The following HDAC4 variants were observed in gnomAD, a reference collection of about 807,000 sequenced individuals.
HDAC4 encodes histone deacetylase A.
In HDAC4, 16 loss-of-function variants were observed where a neutral mutation model predicts 135.1. The observed-to-expected ratio is 0.12, with a 90% CI of 0.08 to 0.18. The LOEUF (loss-of-function observed/expected upper bound fraction) is 0.18, where lower values mean the gene tolerates loss of function less well. HDAC4 is among the 10% of genes least tolerant of loss of function. HDAC4 has a pLI of 1.00. For synonymous variants in HDAC4, 685 were observed against 653.4 expected (o/e 1.05, Z -0.74); for missense variants, 1,143 against 1,511.8 (o/e 0.76, Z 4.05).
Position 239,349,049 on chromosome 2 carries a change from C to T in HDAC4, c.22+3629G>A. Among the ~76,000 whole-genome samples, 1 of 152,202 alleles carries T rather than the reference C, an allele frequency of 6.6e-6. No individual in the cohort carries two copies. The highest frequency in any genetic ancestry group is 1.5e-5 in the Non-Finnish European group (1 of 68,036). On this transcript the variant is annotated intron_variant, in intron 2 of 26. Transcript: ENST00000543185. This position sits in a 1 kb window ranked among gnomAD's most constrained non-coding sequence, Gnocchi z 5.7. Reference sequence around the variant, plus strand: ...GTCACATGACAAATGTGAGAGGGGGCCCATGGGCGGCTGGACTCCCCCAGC... The same window carrying T: ...GTCACATGACAAATGTGAGAGGGGGTCCATGGGCGGCTGGACTCCCCCAGC...
intron 2 of HDAC4, among the ~76,000 whole-genome samples, chr2:239,350,579 C>T (rs143947815): frequency 0.018 from 2,764 of 152,208 alleles, 47 homozygotes; most frequent in East Asian, 0.094. Context: ...TCTCAGCTCA[C>T]TGCAACCTCT....
chr2:239,148,165 G>A (rs1276284911), intron 7 of HDAC4, among the ~76,000 whole-genome samples: 1 of 152,226 alleles, frequency 6.6e-6, no homozygotes, highest in Non-Finnish European at 1.5e-5. Flanking sequence ...CAGAGAGAAG[G>A]AGGCACCTGC....
chr2:239,396,455 A>G (rs1696569176), intron 1 of HDAC4, among the ~76,000 whole-genome samples: 1 of 152,200 alleles, frequency 6.6e-6, no homozygotes, highest in African/African-American at 2.4e-5. Flanking sequence ...GACCAGCAAC[A>G]GGTATCATCA....
Position 239,054,845 on chromosome 2 carries a change from T to C in HDAC4, c.3004-12A>G. On this transcript the variant is annotated splice_polypyrimidine_tract_variant and intron_variant, in intron 24 of 26. Transcript: ENST00000543185. ...GGGAGAGGATCAAGCTGGAAGAAAA[T>C]GCATAAGAATATAAAGACTGCCAAT... 1 of 1,577,034 alleles carries C rather than the reference T, an allele frequency of 6.3e-7. No homozygotes were observed. The highest frequency in any genetic ancestry group is 8.7e-7 in the Non-Finnish European group (1 of 1,146,262).
intron 4 of HDAC4, among the ~76,000 whole-genome samples, chr2:239,181,126 C>A (rs908977199): frequency 7.2e-5 from 11 of 152,346 alleles, no homozygotes; most frequent in Non-Finnish European, 1.0e-4. Context: ...GGGGACAGGA[C>A]CTGCCGGCTC....
In HDAC4 at chr2:239,269,207, CCA is replaced by C. The variant is rs553867620; in HGVS notation, c.23-32545_23-32544del. Reference sequence around the variant, plus strand: ...CACACACCCACACACATTCACACACCCACACACATTCACACACCCACATACAT... The same window carrying C: ...CACACACCCACACACATTCACACACCCACACATTCACACACCCACATACAT... On this transcript the variant is annotated intron_variant, in intron 2 of 26. Transcript: ENST00000543185. Among the ~76,000 whole-genome samples the C allele has an allele frequency of 2.1e-4, 32 of 151,320 alleles. No individual in the cohort carries two copies. The East Asian group carries it at 3.7e-3, about 18-fold the overall frequency.
chr2:239,196,349 A>T (rs912444436), intron 3 of HDAC4, among the ~76,000 whole-genome samples: 5 of 152,166 alleles, frequency 3.3e-5, no homozygotes, highest in African/African-American at 1.2e-4. Flanking sequence ...CCCAAACGTC[A>T]CCCTCTGCGT....
intron 24 of HDAC4, among the ~76,000 whole-genome samples, chr2:239,062,245 G>A (rs1053063518): frequency 6.6e-6 from 1 of 152,270 alleles, no homozygotes; most frequent in Non-Finnish European, 1.5e-5. Context: ...CTCTGATAGC[G>A]GGGACGCCAA....
intron 4 of HDAC4, among the ~76,000 whole-genome samples, chr2:239,183,577 A>G (rs570373025): frequency 3.0e-4 from 45 of 152,324 alleles, no homozygotes; most frequent in African/African-American, 1.1e-3. Context: ...TGCCACGTGC[A>G]TGTGCCTCTG....
chr2:239,152,499 G>A (rs2042177302), intron 7 of HDAC4, among the ~76,000 whole-genome samples: 1 of 152,252 alleles, frequency 6.6e-6, no homozygotes, highest in Middle Eastern at 3.2e-3. Context: ...TCCCAGGAAA[G>A]GGGCGGGGCC....
chr2:239,131,456 C>A (rs149948313), intron 11 of HDAC4, among the ~76,000 whole-genome samples: 1 of 152,312 alleles, frequency 6.6e-6, no homozygotes, highest in Non-Finnish European at 1.5e-5. Context: ...AAGGGCAGAA[C>A]ATGGAAACGA....
intron 3 of HDAC4, among the ~76,000 whole-genome samples, chr2:239,218,076 A>T (rs2046743093): frequency 6.6e-6 from 1 of 152,224 alleles, no homozygotes; most frequent in South Asian, 2.1e-4. Context: ...TGGGCGACAG[A>T]GTGAGGCCCC....
At chr2:239,117,785 C>T (rs771167163) in intron 12 of HDAC4, among the ~76,000 whole-genome samples, 12 of 152,084 alleles carry the variant, frequency 7.9e-5, no homozygotes, top group Admixed American at 1.3e-4. Context: ...AGGGCAGATT[C>T]GAGGGACGGT....
At chr2:239,112,484 G>A (rs189407857) in intron 13 of HDAC4, among the ~76,000 whole-genome samples, 1 of 152,330 alleles carries the variant, frequency 6.6e-6, no homozygotes, top group East Asian at 1.9e-4. Flanking sequence ...CAGGACCTTT[G>A]GGGCCTAGAG....
intron 3 of HDAC4, among the ~76,000 whole-genome samples, chr2:239,196,180 GA>G (rs149666970): frequency 0.032 from 4,943 of 152,176 alleles, 257 homozygotes; most frequent in African/African-American, 0.11. Context: ...GGATGGGACA[GA>G]AGAGGAGGGA....
chr2:239,221,089 C>T (rs1164925273), intron 3 of HDAC4, among the ~76,000 whole-genome samples: 2 of 152,220 alleles, frequency 1.3e-5, no homozygotes, highest in Non-Finnish European at 2.9e-5. Flanking sequence ...GCCTCACCGC[C>T]CTGTCTCTCT....
chr2:239,161,910 T>G (rs965451464), intron 6 of HDAC4: 4 of 366,188 alleles, frequency 1.1e-5, no homozygotes, highest in Admixed American at 1.1e-4. Flanking sequence ...TCCCGTGGCC[T>G]CCTTGACTGC....
At chr2:239,278,177 GAGAAAAAA>G (rs2050497035) in intron 2 of HDAC4, among the ~76,000 whole-genome samples, 1 of 103,478 alleles carries the variant, frequency 9.7e-6, no homozygotes, top group South Asian at 2.8e-4. Flanking sequence ...CCCACCATTA[GAGAAAAAA>G]AGAAAAAAAA....
At position 239,157,013 on chromosome 2, in the gene HDAC4, T is replaced by C. The variant is rs1424046771; in HGVS notation, c.612-240A>G. On this transcript the variant is annotated intron_variant, in intron 6 of 26. Coordinates refer to ENST00000543185, the MANE Select transcript of HDAC4 (RefSeq NM_001378414.1). ...GGACCAGCAGTGCTTGGGGATGGGA[T>C]GGGCAGCACCTCTGGCCGTTTTCCT... Among the ~76,000 whole-genome samples, 3 of 152,194 alleles carry C rather than the reference T, an allele frequency of 2.0e-5. No individual in the cohort carries two copies. In the East Asian group the frequency reaches 5.8e-4, roughly 29 times the overall value.
Sources: gnomAD v4.1 joint callset for allele counts (sites outside exome capture counted in the v4.1 genomes callset) on GRCh38, gnomAD v4.1.1 for gene constraint, Gnocchi (gnomAD v3.1) non-coding constraint, MANE v1.5 for transcripts, NCBI Gene and HGNC (gene_info 2026-07-23, HGNC 2026-07-21) for gene names.